GLDC: variants seen among roughly 807,000 people sequenced by gnomAD.
GLDC encodes glycine decarboxylase.
GLDC carries 104 observed loss-of-function variants against 121.3 expected under a neutral mutation model. That is an observed-to-expected ratio of 0.86 (90% CI 0.73 to 1.01). GLDC has a LOEUF of 1.01. GLDC is among the 50% of genes least tolerant of loss of function. GLDC has a pLI of 0.00. For missense variants in GLDC, 1,429 were observed against 1,306.6 expected, an observed-to-expected ratio of 1.09 and a Z score of -1.44; for synonymous variants, 546 against 480.6, an observed-to-expected ratio of 1.14 and a Z score of -1.78.
chr9:6,608,366 G>C (rs976441317), intron 4 of GLDC, among the ~76,000 whole-genome samples: 2 of 150,352 alleles, frequency 1.3e-5, no homozygotes, highest in Non-Finnish European at 3.0e-5. Context: ...AGCTTGCAGT[G>C]AGCCGAGATA....
At chr9:6,593,185 G>C in intron 9 of GLDC, 195 bp from the exon 10 acceptor site, 2 of 592,234 alleles carry the variant, frequency 3.4e-6, no homozygotes, top group Non-Finnish European at 6.0e-6. Context: ...ATATAAAAGA[G>C]TAAGGAAAAT....
At chr9:6,578,886 A>G (rs895413615) in intron 15 of GLDC, among the ~76,000 whole-genome samples, 1 of 152,158 alleles carries the variant, frequency 6.6e-6, no homozygotes, top group African/African-American at 2.4e-5. Context: ...CTGGTTATTT[A>G]TAAGGGTGTT....
rs547236123 is a variant in GLDC at position 6,580,783 on chromosome 9, C to T, written c.1850+6358G>A. Among the ~76,000 whole-genome samples, 5 of 152,354 alleles carry T rather than the reference C, an allele frequency of 3.3e-5. No homozygotes were observed. The South Asian group carries it at 1.0e-3, about 32-fold the overall frequency. On this transcript the variant is annotated intron_variant, in intron 15 of 24. Coordinates refer to ENST00000321612, the MANE Select transcript of GLDC (RefSeq NM_000170.3). ...CCTGATCCTACCTGCCTATCAGTCC[C>T]CTTCTCCATTCAGGACCCACTCAGG...
chr9:6,631,684 C>T (rs982523819), intron 2 of GLDC, among the ~76,000 whole-genome samples: 1 of 152,168 alleles, frequency 6.6e-6, no homozygotes, highest in African/African-American at 2.4e-5. Flanking sequence ...TCATGGCCTA[C>T]AGAGCAAGAA....
intron 15 of GLDC, among the ~76,000 whole-genome samples, chr9:6,572,618 T>A (rs1817988745): frequency 6.6e-6 from 1 of 152,212 alleles, no homozygotes; most frequent in Admixed American, 6.5e-5. Context: ...ATTATGAATC[T>A]GGATGGACAG....
chr9:6,615,328 C>T (rs554909624), intron 3 of GLDC, among the ~76,000 whole-genome samples: 5 of 151,866 alleles, frequency 3.3e-5, no homozygotes, highest in African/African-American at 7.2e-5. Context: ...TGTGGTGGCT[C>T]ACACCTGTCA....
At position 6,620,296 on chromosome 9, in the gene GLDC, G is replaced by C. The variant is rs758562313; in HGVS notation, c.358C>G (p.Leu120Val). Residue 120 changes from leucine (L) to valine (V), a missense_variant, in exon 3 of 25, where the codon CTG becomes GTG. Coordinates refer to ENST00000321612, the MANE Select transcript of GLDC (RefSeq NM_000170.3). Reference sequence around the variant, plus strand: ...TGGTTTTTGCTTGAAATGGCATGCAGAGTTGCAAGGATTTCATTTTCACCT... The same window carrying C: ...TGGTTTTTGCTTGAAATGGCATGCACAGTTGCAAGGATTTCATTTTCACCT... ...PVCENEILAT[L>V]HAISSKNQIW... The C allele has an allele frequency of 6.2e-6, 10 of 1,613,542 alleles. No individual in the cohort carries two copies. Among genetic ancestry groups the C allele is most frequent in the Non-Finnish European group, 7.6e-6 (9 of 1,179,424 alleles).
intron 15 of GLDC, among the ~76,000 whole-genome samples, chr9:6,586,248 T>C (rs1040463060): frequency 6.6e-6 from 1 of 152,032 alleles, no homozygotes; most frequent in African/African-American, 2.4e-5. Context: ...TGAGCCGAGA[T>C]CACGCCATTG....
At chr9:6,564,539 T>C (rs770225992) in intron 16 of GLDC, among the ~76,000 whole-genome samples, 1 of 152,156 alleles carries the variant, frequency 6.6e-6, no homozygotes, top group Non-Finnish European at 1.5e-5. Flanking sequence ...TGTCTGCAAC[T>C]CTCTAGTATC....
At chr9:6,542,740 G>C (rs1288904736) in intron 21 of GLDC, among the ~76,000 whole-genome samples, 2 of 151,256 alleles carry the variant, frequency 1.3e-5, no homozygotes, top group East Asian at 3.9e-4. Flanking sequence ...CAAAAAATTA[G>C]CTAGGTGCAG....
chr9:6,560,482 T>C (rs1034448697), intron 16 of GLDC, among the ~76,000 whole-genome samples: 1 of 152,240 alleles, frequency 6.6e-6, no homozygotes, highest in Non-Finnish European at 1.5e-5. Context: ...CTTGTTTGAA[T>C]GCTTCCCTTT....
rs1819059833 is a variant in GLDC, at chr9:6,620,219, C to T, written c.435G>A (p.Gln145=). 6.2e-7 allele frequency: 1 copy of T among 1,613,644 alleles called. No individual in the cohort carries two copies. The highest frequency in any genetic ancestry group is 8.5e-7 in the Non-Finnish European group (1 of 1,179,804). The stretch of plus-strand genomic sequence containing the variant: ...TCTCCAGTAAGTTCCGCAAAATCGT[C>T]TGTGGCACTGAGCAGTTATAATAGC... The part of the protein sequence containing the change: ...GMGYYNCSVP[Q]TILRNLLENS... Residue 145 remains glutamine, a synonymous_variant, in exon 3 of 25, where the codon CAG becomes CAA. Coordinates refer to ENST00000321612, the MANE Select transcript of GLDC (RefSeq NM_000170.3).
chr9:6,627,935 A>C (rs1313459404), intron 2 of GLDC, among the ~76,000 whole-genome samples: 2 of 152,244 alleles, frequency 1.3e-5, no homozygotes, highest in Non-Finnish European at 2.9e-5. Flanking sequence ...GAACAAACCC[A>C]GTGTACCTAG....
chr9:6,558,141 A>C, intron 17 of GLDC: 1 of 295,836 alleles, frequency 3.4e-6, no homozygotes. Flanking sequence ...ACCAAGCTGC[A>C]TGATGCCAGG....
intron 15 of GLDC, among the ~76,000 whole-genome samples, chr9:6,578,325 G>A (rs1018072238): frequency 6.6e-6 from 1 of 151,746 alleles, no homozygotes; most frequent in East Asian, 1.9e-4. Flanking sequence ...CTATGTTGCC[G>A]AGGCTGGTCT....
chr9:6,533,834 GACAACAAGAGTAAA>G (rs770946547), intron 24 of GLDC, among the ~76,000 whole-genome samples: 9 of 146,832 alleles, frequency 6.1e-5, no homozygotes, highest in African/African-American at 1.0e-4. Context: ...CTCCAGCCTG[GACAACAAGAGTAAA>G]ACTCTATCTC....
intron 4 of GLDC, among the ~76,000 whole-genome samples, chr9:6,609,563 T>A (rs959232723): frequency 1.3e-5 from 2 of 152,040 alleles, no homozygotes; most frequent in Non-Finnish European, 2.9e-5. Context: ...CAGTCATGTG[T>A]GTGTGTTATG....
At chr9:6,624,949 C>T (rs1819200592) in intron 2 of GLDC, among the ~76,000 whole-genome samples, 1 of 151,398 alleles carries the variant, frequency 6.6e-6, no homozygotes, top group African/African-American at 2.4e-5. Flanking sequence ...GATCACGCCA[C>T]TGCACTCCAA....
chr9:6,633,745 A>C (rs1819438825), intron 2 of GLDC, among the ~76,000 whole-genome samples: 1 of 150,854 alleles, frequency 6.6e-6, no homozygotes, highest in Admixed American at 6.6e-5. Context: ...ACACAGCAAA[A>C]CTCCATCTCT....
Sources: allele counts gnomAD v4.1 joint callset (sites outside exome capture counted in the v4.1 genomes callset), GRCh38; gene constraint gnomAD v4.1.1; transcripts MANE v1.5; gene names NCBI Gene and HGNC (gene_info 2026-07-23, HGNC 2026-07-21).